The following ARPP21 variants were observed in gnomAD, a reference collection of about 807,000 sequenced individuals.
ARPP21 encodes the protein cAMP-regulated phosphoprotein 21.
Under a neutral mutation model 113.2 loss-of-function variants are expected in ARPP21, and 69 were observed. That is an observed-to-expected ratio of 0.61 (90% confidence interval 0.50 to 0.74). The LOEUF (loss-of-function observed/expected upper bound fraction) is 0.74, where lower values mean the gene tolerates loss of function less well. Among genes scored for constraint, ARPP21 ranks in the 30% least tolerant of loss-of-function variants. The pLI is 0.00. For synonymous variants in ARPP21, 368 were observed against 375.5 expected (o/e 0.98, Z 0.23); for missense variants, 1,070 against 1,037.4 (o/e 1.03, Z -0.43).
intron 1 of ARPP21, among the ~76,000 whole-genome samples, chr3:35,642,702 T>A (rs1185998772): frequency 6.6e-6 from 1 of 152,084 alleles, no homozygotes; most frequent in African/African-American, 2.4e-5. Context: ...CGGTGAAAGG[T>A]TTGGAGCTTG....
chr3:35,700,093 T>G (rs2085726075), intron 9 of ARPP21, among the ~76,000 whole-genome samples: 1 of 151,838 alleles, frequency 6.6e-6, no homozygotes, highest in Non-Finnish European at 1.5e-5. Context: ...GCTTTACTAG[T>G]GCCCAGCACT....
At chr3:35,707,342 C>G (rs929680071) in intron 10 of ARPP21, 11 of 619,086 alleles carry the variant, frequency 1.8e-5, no homozygotes, top group Non-Finnish European at 3.3e-5. Flanking sequence ...GTTTCCGCTG[C>G]ATGTCTGGGA....
intron 1 of ARPP21, among the ~76,000 whole-genome samples, chr3:35,671,466 T>C (rs2076333596): frequency 6.6e-6 from 1 of 152,296 alleles, no homozygotes; most frequent in South Asian, 2.1e-4. Flanking sequence ...CACAGCCCTT[T>C]TTTGTTTTCA....
chr3:35,644,136 A>C (rs1419511205), intron 1 of ARPP21, among the ~76,000 whole-genome samples: 1 of 151,924 alleles, frequency 6.6e-6, no homozygotes, highest in African/African-American at 2.4e-5. Flanking sequence ...GGACTGTTGA[A>C]GGAAAAAGAA....
intron 19 of ARPP21, among the ~76,000 whole-genome samples, chr3:35,791,879 G>A (rs543842884): frequency 3.2e-4 from 49 of 152,220 alleles, no homozygotes; most frequent in African/African-American, 9.4e-4. Flanking sequence ...TGGTTCACTA[G>A]GACATAAAAA....
At chr3:35,667,860 A>G (rs1413784640) in intron 1 of ARPP21, among the ~76,000 whole-genome samples, 2 of 125,476 alleles carry the variant, frequency 1.6e-5, no homozygotes, top group East Asian at 4.5e-4. Flanking sequence ...GAAGAAGAAG[A>G]AGAAGAAGAA....
At chr3:35,781,239 T>C (rs1199118003) in intron 19 of ARPP21, among the ~76,000 whole-genome samples, 1 of 152,188 alleles carries the variant, frequency 6.6e-6, no homozygotes, top group African/African-American at 2.4e-5. Context: ...ATAAAGCACT[T>C]TTAATCATGA....
At chr3:35,667,388 A>G (rs11129664) in intron 1 of ARPP21, among the ~76,000 whole-genome samples, 46,983 of 152,034 alleles carry the variant, frequency 0.31, 7,645 homozygotes, top group East Asian at 0.49. Flanking sequence ...ATTACGTGTC[A>G]TAATCTCATG....
chr3:35,793,555 G>T, intron 20 of ARPP21, 146 bp from the exon 21 acceptor site: 1 of 639,368 alleles, frequency 1.6e-6, no homozygotes, highest in Non-Finnish European at 2.8e-6. Flanking sequence ...TTCCTAATGT[G>T]AAACAGCCGA....
At chr3:35,728,488 G>C (rs1223093236) in intron 14 of ARPP21, among the ~76,000 whole-genome samples, 2 of 150,762 alleles carry the variant, frequency 1.3e-5, no homozygotes, top group Admixed American at 6.6e-5. Flanking sequence ...AAAGTGCTGG[G>C]ATTACAGGCG....
At chr3:35,755,972 T>C (rs1344191987) in intron 19 of ARPP21, among the ~76,000 whole-genome samples, 2 of 152,110 alleles carry the variant, frequency 1.3e-5, no homozygotes, top group Non-Finnish European at 2.9e-5. Flanking sequence ...TGAAAGACGC[T>C]GCTTTTTAAA....
At chr3:35,718,440 C>T (rs1231242982) in intron 13 of ARPP21, among the ~76,000 whole-genome samples, 1 of 152,068 alleles carries the variant, frequency 6.6e-6, no homozygotes, top group African/African-American at 2.4e-5. Context: ...ATTAGTCCTG[C>T]GCTCACACAC....
chr3:35,736,379 C>G (rs1453746706), intron 15 of ARPP21, among the ~76,000 whole-genome samples: 1 of 152,126 alleles, frequency 6.6e-6, no homozygotes, highest in African/African-American at 2.4e-5. Context: ...TTCATTTTCT[C>G]TTCTGAAAAA....
At chr3:35,764,600 A>G (rs374631140) in intron 19 of ARPP21, among the ~76,000 whole-genome samples, 1 of 152,272 alleles carries the variant, frequency 6.6e-6, no homozygotes, top group South Asian at 2.1e-4. Flanking sequence ...AAAGTGACAC[A>G]CCTGCATCCC....
chr3:35,738,441 G>A, intron 17 of ARPP21, 123 bp downstream of exon 17: 3 of 689,144 alleles, frequency 4.4e-6, no homozygotes, highest in East Asian at 2.7e-5. Flanking sequence ...GAGGGGGTAT[G>A]TGCGAATGTC....
chr3:35,667,945 A>G (rs2884793), intron 1 of ARPP21, among the ~76,000 whole-genome samples: 15 of 132,574 alleles, frequency 1.1e-4, no homozygotes, highest in African/African-American at 1.2e-4. Context: ...AAGGAGAAGA[A>G]GAAAAGAAGA....
Position 35,687,772 on chromosome 3 carries a change from A to G in ARPP21, c.295A>G (p.Ser99Gly), listed in dbSNP as rs372962038. ...SIHLQLSSFS[S>G]LQEEDKSRKD... ...TCATTTACAGCTTTCCAGTTTTTCC[A>G]GCCTGCAAGAGGAGGATAAATCTAG... is the stretch of plus-strand genomic sequence containing the variant. Residue 99 changes from serine to glycine, a missense_variant, in exon 6 of 21, where the codon AGC becomes GGC. Coordinates refer to ENST00000684406, the MANE Select transcript of ARPP21 (RefSeq NM_001385562.1). 3 of 1,602,160 alleles carry G rather than the reference A, an allele frequency of 1.9e-6. No homozygotes were observed. Among genetic ancestry groups the G allele is most frequent in the Non-Finnish European group, 2.6e-6 (3 of 1,175,502 alleles).
At chr3:35,735,980 AT>A (rs920240313) in intron 15 of ARPP21, among the ~76,000 whole-genome samples, 4 of 151,742 alleles carry the variant, frequency 2.6e-5, no homozygotes, top group Non-Finnish European at 5.9e-5. Context: ...GTTACGACAC[AT>A]TTTTTTTCAT....
In ARPP21 at chr3:35,645,138, T is replaced by G. The variant is rs559850789; in HGVS notation, c.-213+4740T>G. On this transcript the variant is annotated intron_variant, in intron 1 of 20. Coordinates refer to ENST00000684406, the MANE Select transcript of ARPP21 (RefSeq NM_001385562.1). ...GTTCCTGTTATCTAGCAAAAGAAAATCATTTCTTTTTATCCAGATAAAGAG... is the reference window on the plus strand; with the variant it reads ...GTTCCTGTTATCTAGCAAAAGAAAAGCATTTCTTTTTATCCAGATAAAGAG... 5.3e-5 allele frequency among the ~76,000 whole-genome samples: 8 copies of G among 151,898 alleles called. No homozygotes were observed. The South Asian group carries it at 1.7e-3, about 32-fold the overall frequency.
Sources: gnomAD v4.1 joint callset for allele counts (sites outside exome capture counted in the v4.1 genomes callset) on GRCh38, gnomAD v4.1.1 for gene constraint, MANE v1.5 for transcripts, NCBI Gene and HGNC (gene_info 2026-07-23, HGNC 2026-07-21) for gene names.